Variants in DOCK3 observed in about 807,000 individuals in gnomAD.
DOCK3 encodes the protein dedicator of cytokinesis protein 3.
Under a neutral mutation model 265.6 loss-of-function variants are expected in DOCK3, and 60 were observed. That is an observed-to-expected ratio of 0.23 (90% CI 0.18 to 0.28). The LOEUF (loss-of-function observed/expected upper bound fraction) is 0.28. Among genes scored for constraint, DOCK3 ranks in the 10% least tolerant of loss-of-function variants. The pLI is 1.00. For missense variants in DOCK3, 1,981 were observed against 2,594.3 expected (o/e 0.76, Z 5.14); for synonymous variants, 881 against 938.0 (o/e 0.94, Z 1.11).
chr3:50,860,075 A>G (rs191509973), intron 3 of DOCK3, among the ~76,000 whole-genome samples: 444 of 152,230 alleles, frequency 2.9e-3, no homozygotes, highest in Non-Finnish European at 4.9e-3. Flanking sequence ...GCAGGTCAGA[A>G]TTTGCTCAGT....
At chr3:51,291,253 G>GA (rs1444559112) in intron 27 of DOCK3, among the ~76,000 whole-genome samples, 1 of 151,306 alleles carries the variant, frequency 6.6e-6, no homozygotes, top group Non-Finnish European at 1.5e-5. Context: ...AGTAAAATAA[G>GA]AAAAAACTAA....
At chr3:51,234,898 A>T (rs2078290547) in intron 19 of DOCK3, among the ~76,000 whole-genome samples, 1 of 152,188 alleles carries the variant, frequency 6.6e-6, no homozygotes. Context: ...TGAATCCTAC[A>T]CAGTGGACTG....
At chr3:51,202,155 C>G (rs1381482465) in intron 12 of DOCK3, among the ~76,000 whole-genome samples, 1 of 24,646 alleles carries the variant, frequency 4.1e-5, no homozygotes, top group Non-Finnish European at 7.2e-5. Context: ...TAGCAGAAGG[C>G]AAGAAATAAC....
intron 4 of DOCK3, among the ~76,000 whole-genome samples, chr3:50,893,986 G>T (rs1326059091): frequency 3.3e-5 from 4 of 121,034 alleles, no homozygotes; most frequent in Non-Finnish European, 5.1e-5. Context: ...GGTGAGGGGA[G>T]GGGGGAGGGG....
At chr3:51,010,345 G>C (rs573558091) in intron 5 of DOCK3, among the ~76,000 whole-genome samples, 1 of 152,040 alleles carries the variant, frequency 6.6e-6, no homozygotes, top group African/African-American at 2.4e-5. Flanking sequence ...GCTCTTCTTG[G>C]TGAATTGATC....
chr3:50,747,945 G>C (rs1175480230), intron 1 of DOCK3, among the ~76,000 whole-genome samples: 1 of 151,938 alleles, frequency 6.6e-6, no homozygotes, highest in Non-Finnish European at 1.5e-5. Flanking sequence ...TTTTTGCATA[G>C]TGATCTTGTA....
At chr3:50,859,886 T>G (rs1476869839) in intron 3 of DOCK3, among the ~76,000 whole-genome samples, 1 of 152,202 alleles carries the variant, frequency 6.6e-6, no homozygotes, top group African/African-American at 2.4e-5. Context: ...TGTGGGTTTC[T>G]CTCTTTCTTG....
At chr3:50,931,871 G>A (rs2051086250) in intron 4 of DOCK3, among the ~76,000 whole-genome samples, 1 of 152,178 alleles carries the variant, frequency 6.6e-6, no homozygotes, top group Non-Finnish European at 1.5e-5. Context: ...GTACTGCTTT[G>A]TGGGAGGAGT....
chr3:51,245,930 C>T (rs942531137), intron 21 of DOCK3, among the ~76,000 whole-genome samples: 3 of 152,028 alleles, frequency 2.0e-5, no homozygotes, highest in Non-Finnish European at 4.4e-5. Context: ...ATAACTCATT[C>T]AAGGATACAA....
chr3:50,734,232 G>T (rs1440862905), intron 1 of DOCK3, among the ~76,000 whole-genome samples: 2 of 152,174 alleles, frequency 1.3e-5, no homozygotes, highest in Non-Finnish European at 2.9e-5. Flanking sequence ...ATTTAGGCCA[G>T]GCATAGTGAC....
intron 5 of DOCK3, among the ~76,000 whole-genome samples, chr3:50,958,446 G>A (rs2076788610): frequency 1.3e-5 from 2 of 152,130 alleles, no homozygotes; most frequent in Non-Finnish European, 2.9e-5. Context: ...AGGCCAACAT[G>A]TCTTTTCGGC....
chr3:51,319,173 T>A (rs2083535002), intron 32 of DOCK3, among the ~76,000 whole-genome samples: 1 of 152,176 alleles, frequency 6.6e-6, no homozygotes, highest in Non-Finnish European at 1.5e-5. Flanking sequence ...CCTTATGTGC[T>A]TCTCCTATTA....
chr3:50,928,128 GATATATATATAT>G (rs35440218), intron 4 of DOCK3, among the ~76,000 whole-genome samples: 1 of 142,892 alleles, frequency 7.0e-6, no homozygotes, highest in African/African-American at 2.5e-5. Flanking sequence ...TTATTGTGAT[GATATATATATAT>G]ATATATATAT....
At chr3:50,881,555 C>G (rs1474374498) in intron 3 of DOCK3, among the ~76,000 whole-genome samples, 1 of 152,088 alleles carries the variant, frequency 6.6e-6, no homozygotes, top group African/African-American at 2.4e-5. Context: ...ATCCAACTTA[C>G]AAGGGATGTG....
Position 51,288,524 on chromosome 3 carries a change from T to C in DOCK3, c.2922+8320T>C, listed in dbSNP as rs2081544143. On this transcript the variant is annotated intron_variant, in intron 27 of 52. Transcript: ENST00000266037. ...GCTTATTGCTGGGGCAGTATAATAA[T>C]CTGGACACCAAACCTCCATGATGCT... Among the ~76,000 whole-genome samples the C allele has an allele frequency of 2.0e-5, 3 of 152,004 alleles. No individual in the cohort carries two copies. In the South Asian group the frequency reaches 6.2e-4, roughly 31 times the overall value.
intron 5 of DOCK3, among the ~76,000 whole-genome samples, chr3:50,970,949 T>TATAAC (rs2077210438): frequency 4.1e-5 from 1 of 24,452 alleles, no homozygotes; most frequent in African/African-American, 1.3e-4. Flanking sequence ...ATATATATAA[T>TATAAC]GTGTGTGTGT....
intron 3 of DOCK3, among the ~76,000 whole-genome samples, chr3:50,885,931 G>C (rs966154378): frequency 6.6e-6 from 1 of 151,950 alleles, no homozygotes; most frequent in Non-Finnish European, 1.5e-5. Flanking sequence ...AGTGGTTATT[G>C]TTTAAAAGTT....
chr3:51,054,277 G>A (rs1230723724), intron 5 of DOCK3, among the ~76,000 whole-genome samples: 1 of 152,054 alleles, frequency 6.6e-6, no homozygotes, highest in South Asian at 2.1e-4. Context: ...AATTTTTAAA[G>A]CATTGGTTCA....
chr3:51,039,065 G>T (rs564122515), intron 5 of DOCK3, among the ~76,000 whole-genome samples: 1 of 151,708 alleles, frequency 6.6e-6, no homozygotes, highest in Non-Finnish European at 1.5e-5. Context: ...GCACGATCTC[G>T]GCTCACTGCA....
Sources: allele counts gnomAD v4.1 joint callset (sites outside exome capture counted in the v4.1 genomes callset), GRCh38; gene constraint gnomAD v4.1.1; transcripts MANE v1.5; gene names NCBI Gene and HGNC (gene_info 2026-07-23, HGNC 2026-07-21).